Variants in PTPRT observed in about 807,000 individuals in gnomAD.
PTPRT encodes receptor-type tyrosine-protein phosphatase T.
PTPRT carries 56 observed loss-of-function variants against 176.8 expected under a neutral mutation model. The observed-to-expected ratio is 0.32, with a 90% CI of 0.26 to 0.40. PTPRT has a LOEUF of 0.40. Ranked by LOEUF, PTPRT falls within the 10% of genes least tolerant of loss-of-function variation. The probability of loss-of-function intolerance (pLI) is 1.00; values close to 1 mark genes in which losing one functional copy is unlikely to be tolerated. For synonymous variants in PTPRT, 783 were observed against 739.0 expected (o/e 1.06, Z -0.96); for missense variants, 1,540 against 1,908.2 (o/e 0.81, Z 3.60).
intron 9 of PTPRT, among the ~76,000 whole-genome samples, chr20:42,382,033 A>G (rs2058702439): frequency 6.6e-6 from 1 of 152,204 alleles, no homozygotes; most frequent in African/African-American, 2.4e-5. Flanking sequence ...TCCATAATAC[A>G]TTGCTAATGA....
intron 6 of PTPRT, among the ~76,000 whole-genome samples, chr20:42,739,008 C>T (rs1198134657): frequency 1.3e-5 from 2 of 152,130 alleles, no homozygotes; most frequent in Non-Finnish European, 2.9e-5. Flanking sequence ...GTTGAAGCTG[C>T]AGTGAGCCAT....
At chr20:42,065,318 T>C in the PTPRT span, among the ~76,000 whole-genome samples, 1 of 152,244 alleles carries the variant, frequency 6.6e-6, no homozygotes, top group Non-Finnish European at 1.5e-5. Context: ...ATTGGCATCA[T>C]CCAAAAATAC....
At chr20:43,182,296 T>C (rs763708994) in intron 1 of PTPRT, among the ~76,000 whole-genome samples, 1 of 152,120 alleles carries the variant, frequency 6.6e-6, no homozygotes, top group Non-Finnish European at 1.5e-5. Flanking sequence ...AGCTGGAACA[T>C]AACTGTGGAA....
intron 7 of PTPRT, among the ~76,000 whole-genome samples, chr20:42,607,928 T>G (rs1403703437): frequency 1.3e-5 from 2 of 152,196 alleles, no homozygotes; most frequent in Non-Finnish European, 2.9e-5. Flanking sequence ...CACCAGCTCA[T>G]AAGGGCATCC....
intron 5 of PTPRT, among the ~76,000 whole-genome samples, chr20:42,769,810 G>T (rs963627472): frequency 6.6e-6 from 1 of 152,164 alleles, no homozygotes; most frequent in Non-Finnish European, 1.5e-5. Flanking sequence ...AAGAAATACT[G>T]TTACACACAA....
intron 6 of PTPRT, among the ~76,000 whole-genome samples, chr20:42,756,162 A>T (rs1288653682): frequency 1.3e-5 from 2 of 152,238 alleles, no homozygotes; most frequent in East Asian, 3.8e-4. Context: ...TGTTCATTCT[A>T]ACTTTAAATA....
chr20:42,750,406 C>T (rs1023689172), intron 6 of PTPRT, among the ~76,000 whole-genome samples: 4 of 151,904 alleles, frequency 2.6e-5, no homozygotes, highest in Admixed American at 2.6e-4. Flanking sequence ...TATATATTCA[C>T]CTCCATTATT....
chr20:42,859,586 A>ATTT (rs374358348), intron 2 of PTPRT, among the ~76,000 whole-genome samples: 2,476 of 127,628 alleles, frequency 0.019, 114 homozygotes, highest in African/African-American at 0.051. Flanking sequence ...TTTTTTTTTA[A>ATTT]TTTTTTTTTT....
At chr20:42,749,892 C>T (rs1473074891) in intron 6 of PTPRT, among the ~76,000 whole-genome samples, 2 of 152,178 alleles carry the variant, frequency 1.3e-5, no homozygotes, top group Non-Finnish European at 2.9e-5. Flanking sequence ...CCAGCCAGGA[C>T]AGCAGTCAAC....
At chr20:42,389,411 G>A (rs2058777929) in intron 9 of PTPRT, among the ~76,000 whole-genome samples, 1 of 152,122 alleles carries the variant, frequency 6.6e-6, no homozygotes, top group African/African-American at 2.4e-5. Flanking sequence ...TTATTTGTAT[G>A]ATTACTGCTA....
At chr20:42,810,906 C>A (rs980626922) in intron 2 of PTPRT, among the ~76,000 whole-genome samples, 1 of 152,232 alleles carries the variant, frequency 6.6e-6, no homozygotes, top group Admixed American at 6.5e-5. Flanking sequence ...ATTGCACAAT[C>A]ACTTTCTGAC....
At chr20:42,286,082 G>C (rs143862399) in intron 12 of PTPRT, among the ~76,000 whole-genome samples, 1 of 152,028 alleles carries the variant, frequency 6.6e-6, no homozygotes, top group Non-Finnish European at 1.5e-5. Context: ...GAAAGAAATT[G>C]AAGGGAAACA....
In PTPRT at chr20:42,079,720, G is replaced by A. The variant is rs1255446878; in HGVS notation, c.*1159C>T. 1.3e-5 allele frequency: 3 copies of A among 229,170 alleles called. No individual in the cohort carries two copies. Among genetic ancestry groups the A allele is most frequent in the African/African-American group, 6.7e-5 (3 of 45,058 alleles). The allele number at this position is 229,170 out of a possible 1,614,324, so 14.2% of individuals were successfully genotyped here. On this transcript the variant is annotated 3_prime_UTR_variant, in exon 31 of 31. Transcript: ENST00000373187. ...CAAGGTGGCTGCTGGGTTTCTTTAGGAAGGAGTTCAAATTTGGACATCCAA... is the reference window on the plus strand; with the variant it reads ...CAAGGTGGCTGCTGGGTTTCTTTAGAAAGGAGTTCAAATTTGGACATCCAA...
At chr20:42,182,912 G>T (rs538258018) in intron 16 of PTPRT, among the ~76,000 whole-genome samples, 11 of 86,116 alleles carry the variant, frequency 1.3e-4, no homozygotes, top group Non-Finnish European at 1.5e-4. Flanking sequence ...GCAGGGGTGT[G>T]TGTGTGTGTG....
Position 42,268,514 on chromosome 20 carries a change from C to A in PTPRT, c.2176+13975G>T, listed in dbSNP as rs538058861. On this transcript the variant is annotated intron_variant, in intron 13 of 30. Transcript: ENST00000373187. ...ACGAGAGTCACTTTTCTCCCACTGT[C>A]CATCTGCAACTCCCACCTCCCTTTG... 5.3e-4 allele frequency among the ~76,000 whole-genome samples: 81 copies of A among 152,266 alleles called. 2 individuals are homozygous for A. Among genetic ancestry groups the A allele is most frequent in the African/African-American group, 1.8e-3 (75 of 41,546 alleles).
intron 13 of PTPRT, among the ~76,000 whole-genome samples, chr20:42,282,284 A>T (rs1239971857): frequency 6.6e-6 from 1 of 152,164 alleles, no homozygotes; most frequent in Non-Finnish European, 1.5e-5. Context: ...TTCAGTAAAT[A>T]TGTTTTAAAC....
intron 18 of PTPRT, among the ~76,000 whole-genome samples, chr20:42,132,760 G>C (rs939570787): frequency 6.6e-6 from 1 of 152,188 alleles, no homozygotes; most frequent in African/African-American, 2.4e-5. Flanking sequence ...CAGTTTGACA[G>C]TTTCTTACAA....
At chr20:43,051,145 C>A (rs989350931) in intron 1 of PTPRT, among the ~76,000 whole-genome samples, 1 of 152,156 alleles carries the variant, frequency 6.6e-6, no homozygotes, top group Admixed American at 6.5e-5. Flanking sequence ...CATGTTCTAG[C>A]GAAAGTCTTT....
At chr20:42,952,426 G>A (rs950820948) in intron 1 of PTPRT, among the ~76,000 whole-genome samples, 2 of 152,186 alleles carry the variant, frequency 1.3e-5, no homozygotes, top group African/African-American at 4.8e-5. Flanking sequence ...GCAAAACAGT[G>A]CAGGAACAAA....
Sources: allele counts gnomAD v4.1 joint callset (sites outside exome capture counted in the v4.1 genomes callset), GRCh38; gene constraint gnomAD v4.1.1; transcripts MANE v1.5; gene names NCBI Gene and HGNC (gene_info 2026-07-23, HGNC 2026-07-21).